The following WWOX variants were observed in gnomAD, a reference collection of about 807,000 sequenced individuals.
WWOX encodes WW domain-containing oxidoreductase.
A neutral mutation model predicts 46.2 loss-of-function variants in WWOX; 69 were observed. The ratio of observed to expected loss-of-function variants is 1.49; its 90% CI spans 1.23 to 1.82. The LOEUF is 1.82. WWOX is among the 40% of genes most tolerant of loss of function. The probability of loss-of-function intolerance (pLI) is 0.00; values close to 1 mark genes in which losing one functional copy is unlikely to be tolerated. For synonymous variants in WWOX, 359 were observed against 202.6 expected (o/e 1.77, Z -6.56); for missense variants, 919 against 542.6 (o/e 1.69, Z -6.89).
intron 8 of WWOX, among the ~76,000 whole-genome samples, chr16:78,982,957 T>C (rs189175595): frequency 6.6e-6 from 1 of 152,316 alleles, no homozygotes; most frequent in East Asian, 1.9e-4. Context: ...TAAAACTGTT[T>C]GCAATGGGAG....
chr16:78,473,559 C>T (rs2667553), intron 8 of WWOX, among the ~76,000 whole-genome samples: 44,924 of 152,070 alleles, frequency 0.3, 8,302 homozygotes, highest in African/African-American at 0.53. Context: ...TGAGCAGATA[C>T]ACTTATCTGT....
chr16:78,106,003 T>C (rs533904430), intron 1 of WWOX, among the ~76,000 whole-genome samples: 9 of 152,122 alleles, frequency 5.9e-5, no homozygotes, highest in Non-Finnish European at 1.3e-4. Context: ...GGTTTTGCCA[T>C]GTTGCCTAGG....
Position 78,558,502 on chromosome 16 carries a change from C to T in WWOX, c.1056+125750C>T, listed in dbSNP as rs555991560. On this transcript the variant is annotated intron_variant, in intron 8 of 8. Coordinates refer to ENST00000566780, the MANE Select transcript of WWOX (RefSeq NM_016373.4). The stretch of plus-strand genomic sequence containing the variant: ...GTTGGCTGGACTTGAGCAGCGGCTG[C>T]CCCTCTTTAGCTGGGGCATGTGCCC... 2.0e-4 allele frequency among the ~76,000 whole-genome samples: 31 copies of T among 152,352 alleles called. No individual in the cohort carries two copies. In the South Asian group the frequency reaches 6.4e-3, roughly 32 times the overall value.
intron 8 of WWOX, among the ~76,000 whole-genome samples, chr16:78,450,541 C>G (rs759027052): frequency 6.6e-5 from 10 of 152,160 alleles, no homozygotes; most frequent in Admixed American, 6.5e-5. Context: ...GTATCAACTA[C>G]TGAGACCTGC....
intron 5 of WWOX, among the ~76,000 whole-genome samples, chr16:78,383,656 A>C (rs1473017932): frequency 6.6e-6 from 1 of 152,238 alleles, no homozygotes; most frequent in African/African-American, 2.4e-5. Context: ...CAAACCCCCA[A>C]CACACACATA....
chr16:78,934,411 A>C (rs568148806), intron 8 of WWOX, among the ~76,000 whole-genome samples: 3 of 150,244 alleles, frequency 2.0e-5, no homozygotes, highest in East Asian at 3.9e-4. Context: ...TGGAAGGCTA[A>C]AGCAGGAGGA....
At chr16:78,405,822 CAG>C (rs1388077824) in intron 6 of WWOX, among the ~76,000 whole-genome samples, 1 of 152,006 alleles carries the variant, frequency 6.6e-6, no homozygotes, top group Non-Finnish European at 1.5e-5. Flanking sequence ...AGCTGTGGCT[CAG>C]AGGGGTTTAT....
intron 8 of WWOX, among the ~76,000 whole-genome samples, chr16:78,592,938 A>C (rs1232571909): frequency 6.6e-6 from 1 of 152,168 alleles, no homozygotes; most frequent in Admixed American, 6.5e-5. Flanking sequence ...CTTTCTAAGA[A>C]GCCCCACCCA....
chr16:78,152,006 C>T (rs930016582), intron 4 of WWOX, among the ~76,000 whole-genome samples: 2 of 152,070 alleles, frequency 1.3e-5, no homozygotes, highest in Non-Finnish European at 2.9e-5. Context: ...CTGGCTAACA[C>T]GGTGAAACCC....
At chr16:78,634,679 C>A (rs534854867) in intron 8 of WWOX, among the ~76,000 whole-genome samples, 1 of 149,268 alleles carries the variant, frequency 6.7e-6, no homozygotes, top group Non-Finnish European at 1.5e-5. Context: ...GCACTCCAGC[C>A]TGGGTGACAG....
chr16:78,752,324 G>T (rs752216340), intron 8 of WWOX, among the ~76,000 whole-genome samples: 23 of 152,222 alleles, frequency 1.5e-4, no homozygotes, highest in Non-Finnish European at 2.8e-4. Flanking sequence ...CTCACACTCT[G>T]TTGCCCAGGC....
chr16:78,108,536 G>T (rs745338926), intron 2 of WWOX, 49 bp downstream of exon 2: 2 of 1,601,774 alleles, frequency 1.2e-6, no homozygotes, highest in South Asian at 1.1e-5. Context: ...TTAAGTAGAT[G>T]AGGAAATGTC....
At chr16:79,092,754 T>G (rs1307712874) in intron 8 of WWOX, among the ~76,000 whole-genome samples, 1 of 152,208 alleles carries the variant, frequency 6.6e-6, no homozygotes, top group African/African-American at 2.4e-5. Flanking sequence ...GAGATCTCTC[T>G]GGAATTAATG....
chr16:78,504,472 G>A (rs950110662), intron 8 of WWOX, among the ~76,000 whole-genome samples: 2 of 152,174 alleles, frequency 1.3e-5, no homozygotes, highest in Non-Finnish European at 2.9e-5. Context: ...AAATTGTCCA[G>A]GGTTTCCACC....
chr16:78,924,575 G>A (rs990750030), intron 8 of WWOX, among the ~76,000 whole-genome samples: 1 of 152,136 alleles, frequency 6.6e-6, no homozygotes, highest in African/African-American at 2.4e-5. Flanking sequence ...GTTGTTAGGA[G>A]GATAAGAAAG....
chr16:78,885,032 C>T (rs567518940), intron 8 of WWOX, among the ~76,000 whole-genome samples: 1 of 152,136 alleles, frequency 6.6e-6, no homozygotes, highest in South Asian at 2.1e-4. Context: ...TTCCACTGTG[C>T]AGTGTTTCGT....
At chr16:78,941,720 C>T (rs2045855565) in intron 8 of WWOX, among the ~76,000 whole-genome samples, 1 of 152,158 alleles carries the variant, frequency 6.6e-6, no homozygotes, top group East Asian at 1.9e-4. Context: ...TTTCCTTTCC[C>T]AGGTTTGAAA....
chr16:78,452,438 C>A (rs2151413197), intron 8 of WWOX, among the ~76,000 whole-genome samples: 1 of 149,606 alleles, frequency 6.7e-6, no homozygotes, highest in Non-Finnish European at 1.5e-5. Context: ...AATCACAGTT[C>A]ATCAAGGACC....
At chr16:78,750,854 G>A (rs963548085) in intron 8 of WWOX, among the ~76,000 whole-genome samples, 6 of 152,074 alleles carry the variant, frequency 3.9e-5, no homozygotes, top group African/African-American at 9.7e-5. Context: ...GTAGTATTTC[G>A]TGGTGTATAC....
Sources: gnomAD v4.1 joint callset for allele counts (sites outside exome capture counted in the v4.1 genomes callset) on GRCh38, gnomAD v4.1.1 for gene constraint, MANE v1.5 for transcripts, NCBI Gene and HGNC (gene_info 2026-07-23, HGNC 2026-07-21) for gene names.